ENPEP: variants seen among roughly 807,000 people sequenced by gnomAD.
The protein encoded by ENPEP is glutamyl aminopeptidase, also known as AP-A.
ENPEP carries 103 observed loss-of-function variants against 114.5 expected under a neutral mutation model. The ratio of observed to expected loss-of-function variants is 0.90; its 90% CI spans 0.77 to 1.06. The LOEUF (loss-of-function observed/expected upper bound fraction) is 1.06. Among genes scored for constraint, ENPEP ranks in the 50% least tolerant of loss-of-function variants. The pLI is 0.00. For missense variants in ENPEP, 1,196 were observed against 1,161.3 expected (o/e 1.03, Z -0.43); for synonymous variants, 420 against 422.0 (o/e 1.00, Z 0.06).
intron 17 of ENPEP, among the ~76,000 whole-genome samples, chr4:110,551,180 T>C (rs1173751631): frequency 6.6e-6 from 1 of 152,196 alleles, no homozygotes; most frequent in Non-Finnish European, 1.5e-5. Context: ...GTGCTGATTG[T>C]ATCTGGTAAG....
At position 110,476,781 on chromosome 4, in the gene ENPEP, A is replaced by C. The variant is rs574857140; in HGVS notation, c.367A>C (p.Ile123Leu). 6.2e-7 allele frequency: 1 copy of C among 1,614,134 alleles called. No individual in the cohort carries two copies. The highest frequency in any genetic ancestry group is 1.1e-5 in the South Asian group (1 of 91,084). The change falls in exon 1 of 20, where the codon ATC (isoleucine) becomes CTC (leucine). Residue 123 changes from isoleucine to leucine, a missense_variant. Physicochemically the swap from Ile to Leu is conservative, Grantham distance 5. Transcript: ENST00000265162. Reference protein sequence around the residue: ...DTYTGTVSISINLSAPTRYLW... With the variant: ...DTYTGTVSISLNLSAPTRYLW... ...CTACACGGGCACCGTGAGCATCTCCATCAACCTGAGCGCTCCCACCCGGTA... is the reference window on the plus strand; with the variant it reads ...CTACACGGGCACCGTGAGCATCTCCCTCAACCTGAGCGCTCCCACCCGGTA...
At chr4:110,484,600 C>T (rs982585755) in intron 1 of ENPEP, among the ~76,000 whole-genome samples, 15 of 151,632 alleles carry the variant, frequency 9.9e-5, no homozygotes, top group South Asian at 2.1e-4. Flanking sequence ...GTTCCATGTC[C>T]GTTGGCAAGC....
intron 10 of ENPEP, among the ~76,000 whole-genome samples, chr4:110,524,540 G>A (rs28705758): frequency 0.17 from 26,515 of 152,016 alleles, 2,714 homozygotes; most frequent in Middle Eastern, 0.32. Context: ...AGATTTATAA[G>A]TCTAATTAAA....
chr4:110,537,226 C>T (rs1005069012), intron 11 of ENPEP, among the ~76,000 whole-genome samples: 1 of 152,182 alleles, frequency 6.6e-6, no homozygotes, highest in Non-Finnish European at 1.5e-5. Context: ...CCCTTCCTTT[C>T]ACAAAAGGTT....
chr4:110,485,612 T>C (rs1724474225), intron 1 of ENPEP, among the ~76,000 whole-genome samples: 1 of 152,220 alleles, frequency 6.6e-6, no homozygotes, highest in African/African-American at 2.4e-5. Context: ...TTGAATGTTT[T>C]TTCCCCCAGT....
At chr4:110,500,603 C>A (rs761352160) in intron 3 of ENPEP, among the ~76,000 whole-genome samples, 8 of 151,814 alleles carry the variant, frequency 5.3e-5, no homozygotes, top group African/African-American at 9.7e-5. Context: ...TATATTTAAA[C>A]GTTAATAGGG....
intron 6 of ENPEP, among the ~76,000 whole-genome samples, chr4:110,511,011 A>AT (rs1038628793): frequency 3.9e-5 from 6 of 152,066 alleles, no homozygotes; most frequent in South Asian, 2.1e-4. Context: ...GAACCCTAAA[A>AT]TTTTTTTTCA....
At chr4:110,479,131 A>G (rs1724218050) in intron 1 of ENPEP, among the ~76,000 whole-genome samples, 2 of 152,206 alleles carry the variant, frequency 1.3e-5, no homozygotes. Flanking sequence ...CTCTTTTAGT[A>G]CTTTTCTGGA....
rs746526252 is a variant in ENPEP at position 110,564,983 on chromosome 4, T to C, written c.*3425T>C. On this transcript the variant is annotated 3_prime_UTR_variant, in exon 20 of 20. Coordinates refer to ENST00000265162, the MANE Select transcript of ENPEP (RefSeq NM_001977.4). ...TAAATGAGAAATACCCCTTTGTTAT[T>C]GTAAATCACTGAGATTTTGAGGTTG... is the stretch of plus-strand genomic sequence containing the variant. 6.6e-6 allele frequency: 1 copy of C among 152,198 alleles called. No individual in the cohort carries two copies. Among genetic ancestry groups the C allele is most frequent in the Non-Finnish European group, 1.5e-5 (1 of 68,046 alleles). 9.4% of individuals were successfully genotyped at this position (152,198 alleles called of 1,614,324 possible).
chr4:110,503,056 C>A (rs192612919), intron 3 of ENPEP, among the ~76,000 whole-genome samples: 174 of 152,210 alleles, frequency 1.1e-3, no homozygotes, highest in African/African-American at 4.0e-3. Flanking sequence ...CCTCCCCGCT[C>A]CCCCCACCCC....
Position 110,559,732 on chromosome 4 carries a change from A to G in ENPEP, c.2721+7A>G. The G allele has an allele frequency of 6.2e-7, 1 of 1,608,142 alleles. No individual in the cohort carries two copies. The highest frequency in any genetic ancestry group is 8.5e-7 in the Non-Finnish European group (1 of 1,175,370). On this transcript the variant is annotated splice_region_variant and intron_variant, in intron 19 of 19. Transcript: ENST00000265162. ...TGAACTGCAACTGTGGCAGGTATGA[A>G]GATAAATTCCTCTGCATTTGTCCAA...
intron 17 of ENPEP, among the ~76,000 whole-genome samples, chr4:110,552,830 G>T (rs910987144): frequency 6.6e-6 from 1 of 151,886 alleles, no homozygotes; most frequent in African/African-American, 2.4e-5. Flanking sequence ...TACATTATAG[G>T]ATTATTTCTT....
At chr4:110,547,502 A>C (rs917247526) in intron 13 of ENPEP, among the ~76,000 whole-genome samples, 9 of 152,108 alleles carry the variant, frequency 5.9e-5, no homozygotes, top group African/African-American at 2.2e-4. Context: ...GACAGGGAAT[A>C]CAAAAAACAG....
intron 17 of ENPEP, among the ~76,000 whole-genome samples, chr4:110,550,444 TG>T (rs531236264): frequency 6.6e-6 from 1 of 152,056 alleles, no homozygotes; most frequent in Non-Finnish European, 1.5e-5. Flanking sequence ...TATCTGGGAC[TG>T]GGGTAGAAGT....
At chr4:110,521,823 A>G (rs1043999752) in intron 10 of ENPEP, among the ~76,000 whole-genome samples, 4 of 152,160 alleles carry the variant, frequency 2.6e-5, no homozygotes, top group Non-Finnish European at 4.4e-5. Context: ...TAGCAAATAT[A>G]AAAGAGAAGA....
intron 11 of ENPEP, among the ~76,000 whole-genome samples, chr4:110,540,360 A>T (rs1383719977): frequency 4.6e-5 from 7 of 152,148 alleles, no homozygotes; most frequent in African/African-American, 1.7e-4. Context: ...ATTCTTCTTT[A>T]TACTTTTTTG....
Position 110,559,741 on chromosome 4 carries a change from C to T in ENPEP, c.2721+16C>T. On this transcript the variant is annotated intron_variant, in intron 19 of 19. Transcript: ENST00000265162. ...ACTGTGGCAGGTATGAAGATAAATT[C>T]CTCTGCATTTGTCCAAGAAGGAGCA... 6.3e-7 allele frequency: 1 copy of T among 1,598,064 alleles called. No homozygotes were observed. Among genetic ancestry groups the T allele is most frequent in the Non-Finnish European group, 8.6e-7 (1 of 1,166,800 alleles).
chr4:110,483,936 T>C (rs530659319), intron 1 of ENPEP, among the ~76,000 whole-genome samples: 158 of 152,338 alleles, frequency 1.0e-3, no homozygotes, highest in African/African-American at 3.6e-3. Context: ...ACTGATGGAA[T>C]TTAGGATATA....
At chr4:110,504,450 T>G (rs1245819689) in intron 3 of ENPEP, among the ~76,000 whole-genome samples, 1 of 152,076 alleles carries the variant, frequency 6.6e-6, no homozygotes, top group East Asian at 1.9e-4. Flanking sequence ...GAGATCCACC[T>G]TAGAGAAATG....
Sources: gnomAD v4.1 joint callset for allele counts (sites outside exome capture counted in the v4.1 genomes callset) on GRCh38, gnomAD v4.1.1 for gene constraint, MANE v1.5 for transcripts, NCBI Gene and HGNC (gene_info 2026-07-23, HGNC 2026-07-21) for gene names.